The following ACER1 variants were observed in gnomAD, a reference collection of about 807,000 sequenced individuals.
The protein encoded by ACER1 is CTB-180A7.3.
In ACER1, 28 loss-of-function variants were observed where a neutral mutation model predicts 24.9. That is an observed-to-expected ratio of 1.13 (90% CI 0.83 to 1.54). ACER1 has a LOEUF of 1.54. Ranked by LOEUF, ACER1 falls within the 40% of genes most tolerant of loss-of-function variation. The probability of loss-of-function intolerance (pLI) is 0.00; values close to 1 mark genes in which losing one functional copy is unlikely to be tolerated. For synonymous variants in ACER1, 132 were observed against 131.4 expected (o/e 1.00, Z -0.03); for missense variants, 352 against 349.3 (o/e 1.01, Z -0.06).
chr19:6,309,834 C>A lies in ACER1; in HGVS notation c.351G>T (p.Arg117Ser), dbSNP rs1269417806. 12 of 1,613,754 alleles carry A rather than the reference C, an allele frequency of 7.4e-6. No homozygotes were observed. Among genetic ancestry groups the A allele is most frequent in the Non-Finnish European group, 1.0e-5 (12 of 1,179,946 alleles). ...TGAAGACCAGGCGGATGAACTGGGA[C>A]CTGGGGAGGAAGGGGCTCAGCTGTA... is the stretch of plus-strand genomic sequence containing the variant. ...CYFPSFLGGN[R>S]SQFIRLVFIT... Residue 117 changes from arginine to serine, a missense_variant and splice_region_variant, in exon 4 of 6, where the codon AGG becomes AGT. Physicochemically the swap from Arg to Ser is moderately radical, Grantham distance 110. Transcript: ENST00000301452.
intron 1 of ACER1, among the ~76,000 whole-genome samples, chr19:6,318,117 C>T (rs906733743): frequency 6.6e-6 from 1 of 151,466 alleles, no homozygotes; most frequent in Non-Finnish European, 1.5e-5. Context: ...GTCAGGAGAT[C>T]GAGACCATCC....
chr19:6,337,175 CAAAA>C (rs56792886), upstream of ACER1, among the ~76,000 whole-genome samples: 2 of 119,850 alleles, frequency 1.7e-5, no homozygotes, highest in African/African-American at 5.6e-5. Context: ...GACTCCCTCT[CAAAA>C]AAAAAAAAAA....
At chr19:6,335,061 T>C (rs1316054569), upstream of ACER1, among the ~76,000 whole-genome samples, 1 of 146,800 alleles carries the variant, frequency 6.8e-6, no homozygotes, top group African/African-American at 2.5e-5. Flanking sequence ...TATTAAAATA[T>C]AAAATTATTA....
In ACER1 at chr19:6,310,150, C is replaced by T. The variant is rs564587223; in HGVS notation, c.351-316G>A. The stretch of plus-strand genomic sequence containing the variant: ...TCGCCCAGGCTGGAGTGCAGCAGTG[C>T]GATCTGGGCTCGCTGCAAGCTCCAC... On this transcript the variant is annotated intron_variant, in intron 3 of 5. Coordinates refer to ENST00000301452, the MANE Select transcript of ACER1 (RefSeq NM_133492.3). 8.4e-4 allele frequency among the ~76,000 whole-genome samples: 128 copies of T among 151,964 alleles called. 1 individual carries two copies. Among genetic ancestry groups the T allele is most frequent in the African/African-American group, 2.3e-3 (94 of 41,486 alleles).
intron 1 of ACER1, among the ~76,000 whole-genome samples, chr19:6,323,481 G>A (rs1428566931): frequency 1.3e-5 from 2 of 151,724 alleles, no homozygotes; most frequent in Non-Finnish European, 2.9e-5. Context: ...CTTTCTCTTT[G>A]CCTGCTGCCA....
the ACER1 span, among the ~76,000 whole-genome samples, chr19:6,355,517 C>A: frequency 6.6e-6 from 1 of 151,472 alleles, no homozygotes. Flanking sequence ...CCAGCAGCCA[C>A]CCCGTCTGGG....
At chr19:6,312,559 C>G (rs1322265798) in intron 1 of ACER1, 60 bp from the exon 2 acceptor site, 1 of 1,381,426 alleles carries the variant, frequency 7.2e-7, no homozygotes, top group East Asian at 2.3e-5. Flanking sequence ...AGGAGGCTGC[C>G]CTCTGTCCAG....
intron 4 of ACER1, among the ~76,000 whole-genome samples, chr19:6,307,800 T>A (rs1361987956): frequency 1.5e-5 from 2 of 137,142 alleles, no homozygotes; most frequent in Admixed American, 1.5e-4. Flanking sequence ...TAAAAAACAA[T>A]AATAGGCCGG....
At chr19:6,351,539 T>C in the ACER1 span, among the ~76,000 whole-genome samples, 2 of 145,976 alleles carry the variant, frequency 1.4e-5, no homozygotes, top group Admixed American at 1.4e-4. Flanking sequence ...GAGTTCTGCC[T>C]GGACAACATA....
the ACER1 span, among the ~76,000 whole-genome samples, chr19:6,349,416 AGAAG>A: frequency 1.4e-5 from 2 of 140,152 alleles, no homozygotes; most frequent in East Asian, 2.1e-4. Flanking sequence ...AAGGAAGGAA[AGAAG>A]GAAGGAAGGA....
At chr19:6,308,533 C>T (rs1269889497) in intron 4 of ACER1, among the ~76,000 whole-genome samples, 6 of 152,094 alleles carry the variant, frequency 3.9e-5, no homozygotes, top group Non-Finnish European at 8.8e-5. Context: ...CCCACCCCAC[C>T]CCATGGTTAC....
rs563929762 is a variant in ACER1, at chr19:6,331,716, C to T, written c.93+1743G>A. 2.0e-4 allele frequency among the ~76,000 whole-genome samples: 30 copies of T among 151,702 alleles called. No individual in the cohort carries two copies. In the East Asian group the frequency reaches 5.3e-3, roughly 27 times the overall value. On this transcript the variant is annotated intron_variant, in intron 1 of 5. Coordinates refer to ENST00000301452, the MANE Select transcript of ACER1 (RefSeq NM_133492.3). Reference sequence around the variant, plus strand: ...AGCTGAGGCAGCAGAATGGCTTGAACGCGGGAGGCAGAGGTTGCAGTGAGC... The same window carrying T: ...AGCTGAGGCAGCAGAATGGCTTGAATGCGGGAGGCAGAGGTTGCAGTGAGC...
upstream of ACER1, among the ~76,000 whole-genome samples, chr19:6,334,817 C>T (rs1407104652): frequency 4.6e-5 from 7 of 151,344 alleles, no homozygotes; most frequent in East Asian, 1.2e-3. Context: ...CTAGAGTAGG[C>T]ACTTGATGGA....
At chr19:6,325,928 G>A (rs2091658808) in intron 1 of ACER1, among the ~76,000 whole-genome samples, 1 of 151,788 alleles carries the variant, frequency 6.6e-6, no homozygotes, top group African/African-American at 2.4e-5. Context: ...TGGTTTCCAT[G>A]GTATTGTTTG....
intron 1 of ACER1, among the ~76,000 whole-genome samples, chr19:6,328,729 C>T (rs2091673455): frequency 6.6e-6 from 1 of 151,812 alleles, no homozygotes; most frequent in Non-Finnish European, 1.5e-5. Context: ...TGCAGTGGCA[C>T]CATCTCCACT....
intron 1 of ACER1, among the ~76,000 whole-genome samples, chr19:6,328,366 C>T (rs1298894383): frequency 6.6e-6 from 1 of 151,600 alleles, no homozygotes; most frequent in Non-Finnish European, 1.5e-5. Flanking sequence ...TGGCAGGTGC[C>T]TGTAGTCCCA....
At chr19:6,314,775 C>T (rs1405376578) in intron 1 of ACER1, among the ~76,000 whole-genome samples, 3 of 152,024 alleles carry the variant, frequency 2.0e-5, no homozygotes, top group East Asian at 1.9e-4. Flanking sequence ...AATATACCTG[C>T]GTTCATATGT....
the ACER1 span, among the ~76,000 whole-genome samples, chr19:6,339,659 G>T: frequency 6.6e-6 from 1 of 151,938 alleles, no homozygotes; most frequent in African/African-American, 2.4e-5. Flanking sequence ...AATGATTTAG[G>T]GTTTTTGTTT....
At chr19:6,333,639 G>A (rs553024699), upstream of ACER1, 1,144 of 1,173,646 alleles carry the variant, frequency 9.7e-4, 8 homozygotes, top group African/African-American at 0.016. Context: ...GCGGGGAGAG[G>A]ACAGCCCGGT....
Sources: gnomAD v4.1 joint callset for allele counts (sites outside exome capture counted in the v4.1 genomes callset) on GRCh38, gnomAD v4.1.1 for gene constraint, MANE v1.5 for transcripts, NCBI Gene and HGNC (gene_info 2026-07-23, HGNC 2026-07-21) for gene names.